Variants in RPS6KC1 observed in about 807,000 individuals in gnomAD.
The protein encoded by RPS6KC1 is ribosomal protein S6 kinase C1, also known as inactive ribosomal protein S6 kinase delta-1.
RPS6KC1 carries 54 observed loss-of-function variants against 103.8 expected under a neutral mutation model. The ratio of observed to expected loss-of-function variants is 0.52; its 90% CI spans 0.42 to 0.65. RPS6KC1 has a LOEUF of 0.65. RPS6KC1 is among the 30% of genes least tolerant of loss of function. The probability of loss-of-function intolerance (pLI) is 0.00; values close to 1 mark genes in which losing one functional copy is unlikely to be tolerated. For synonymous variants in RPS6KC1, 439 were observed against 438.7 expected (o/e 1.00, Z -0.01); for missense variants, 1,151 against 1,253.8 (o/e 0.92, Z 1.24).
chr1:213,479,222 A>C, the RPS6KC1 span, among the ~76,000 whole-genome samples: 1 of 152,022 alleles, frequency 6.6e-6, no homozygotes, highest in East Asian at 1.9e-4. Context: ...CTTGTATGAG[A>C]GGGATTCTGT....
At chr1:213,862,580 A>G in the RPS6KC1 span, among the ~76,000 whole-genome samples, 3 of 152,100 alleles carry the variant, frequency 2.0e-5, no homozygotes, top group Non-Finnish European at 4.4e-5. Context: ...TCATTTAGCT[A>G]TAACTGAGGA....
At chr1:213,702,061 TTC>T in the RPS6KC1 span, among the ~76,000 whole-genome samples, 1 of 151,940 alleles carries the variant, frequency 6.6e-6, no homozygotes, top group Non-Finnish European at 1.5e-5. Flanking sequence ...AGCTGTAAAA[TTC>T]TCTGTCAATA....
At chr1:213,064,517 G>A (rs2078127908) in intron 1 of RPS6KC1, among the ~76,000 whole-genome samples, 2 of 151,610 alleles carry the variant, frequency 1.3e-5, no homozygotes. Flanking sequence ...ATAGGTGGAT[G>A]CCACAAAGCC....
chr1:213,223,727 G>A (rs888404330), intron 8 of RPS6KC1, among the ~76,000 whole-genome samples: 4 of 152,168 alleles, frequency 2.6e-5, no homozygotes, highest in African/African-American at 9.7e-5. Context: ...TAGCTACCCA[G>A]TAGTGGGATT....
chr1:213,210,569 A>G (rs1445545488), intron 8 of RPS6KC1, among the ~76,000 whole-genome samples: 1 of 152,236 alleles, frequency 6.6e-6, no homozygotes, highest in Non-Finnish European at 1.5e-5. Flanking sequence ...CAATTTGAGA[A>G]TGAGTATTGT....
chr1:213,129,123 C>T (rs560729421), intron 5 of RPS6KC1, among the ~76,000 whole-genome samples: 1 of 152,036 alleles, frequency 6.6e-6, no homozygotes, highest in South Asian at 2.1e-4. Context: ...AGATGCTGTT[C>T]TCAAAAACAA....
chr1:213,438,020 C>A, the RPS6KC1 span, among the ~76,000 whole-genome samples: 1 of 151,666 alleles, frequency 6.6e-6, no homozygotes, highest in African/African-American at 2.4e-5. Context: ...TCTGTTTCTT[C>A]ATTTTCTGTG....
the RPS6KC1 span, among the ~76,000 whole-genome samples, chr1:213,742,698 G>A: frequency 2.0e-5 from 3 of 152,278 alleles, no homozygotes; most frequent in Admixed American, 6.5e-5. Context: ...TGCCCATGAA[G>A]TGAACTCTAT....
At chr1:213,839,768 T>G in the RPS6KC1 span, 1 of 152,106 alleles carries the variant, frequency 6.6e-6, no homozygotes, top group South Asian at 2.1e-4. Flanking sequence ...AGTTGCTAAG[T>G]TTTTCCTCCA....
the RPS6KC1 span, among the ~76,000 whole-genome samples, chr1:213,377,351 T>C: frequency 6.6e-6 from 1 of 152,218 alleles, no homozygotes; most frequent in Non-Finnish European, 1.5e-5. Flanking sequence ...ATCGATTTGA[T>C]CTTTCTGAGG....
At chr1:213,239,045 T>TA (rs569488989) in intron 10 of RPS6KC1, among the ~76,000 whole-genome samples, 116 of 152,282 alleles carry the variant, frequency 7.6e-4, no homozygotes, top group African/African-American at 2.5e-3. Flanking sequence ...CTTTTAAACT[T>TA]CAGTTGAAAT....
At chr1:213,413,606 A>C in the RPS6KC1 span, among the ~76,000 whole-genome samples, 1 of 152,226 alleles carries the variant, frequency 6.6e-6, no homozygotes, top group Non-Finnish European at 1.5e-5. Flanking sequence ...ATCCATGCGT[A>C]CATCCTCATT....
chr1:213,168,616 GTTTCT>G (rs1469000519), intron 7 of RPS6KC1, among the ~76,000 whole-genome samples: 1 of 151,800 alleles, frequency 6.6e-6, no homozygotes, highest in Non-Finnish European at 1.5e-5. Context: ...AAAGGGTTTA[GTTTCT>G]TTTCTTTTCT....
intron 1 of RPS6KC1, among the ~76,000 whole-genome samples, chr1:213,064,592 T>G (rs2078135947): frequency 6.6e-6 from 1 of 151,888 alleles, no homozygotes; most frequent in Non-Finnish European, 1.5e-5. Flanking sequence ...GTTCTTGAAT[T>G]CCTGACCTCA....
At chr1:213,483,419 T>C in the RPS6KC1 span, among the ~76,000 whole-genome samples, 2 of 152,212 alleles carry the variant, frequency 1.3e-5, no homozygotes, top group Non-Finnish European at 2.9e-5. Context: ...TATTCACCAC[T>C]TAATGGACAT....
At chr1:213,184,641 TTTCTC>T (rs1279516253) in intron 8 of RPS6KC1, among the ~76,000 whole-genome samples, 3 of 152,198 alleles carry the variant, frequency 2.0e-5, no homozygotes, top group African/African-American at 7.2e-5. Context: ...GCTATAAACT[TTTCTC>T]TTAGTGCTGA....
the RPS6KC1 span, among the ~76,000 whole-genome samples, chr1:213,296,037 G>T: frequency 6.6e-6 from 1 of 152,160 alleles, no homozygotes. Context: ...TAAAAAAAAT[G>T]CCAGTCATTG....
chr1:213,815,261 T>C, the RPS6KC1 span, among the ~76,000 whole-genome samples: 5 of 152,306 alleles, frequency 3.3e-5, no homozygotes, highest in Non-Finnish European at 7.3e-5. Flanking sequence ...TGTGGAACTG[T>C]GAGTCAATTA....
chr1:213,216,527 G>C (rs1489114285), intron 8 of RPS6KC1, among the ~76,000 whole-genome samples: 1 of 152,170 alleles, frequency 6.6e-6, no homozygotes, highest in Non-Finnish European at 1.5e-5. Flanking sequence ...GGACCTAATA[G>C]ACATCTACAG....
Sources: gnomAD v4.1 joint callset for allele counts (sites outside exome capture counted in the v4.1 genomes callset) on GRCh38, gnomAD v4.1.1 for gene constraint, MANE v1.5 for transcripts, NCBI Gene and HGNC (gene_info 2026-07-23, HGNC 2026-07-21) for gene names.